Variants in SNTG1 observed in about 807,000 individuals in gnomAD.
The protein encoded by SNTG1 is syntrophin gamma 1, also known as gamma-1-syntrophin.
A neutral mutation model predicts 74.7 loss-of-function variants in SNTG1; 39 were observed. The ratio of observed to expected loss-of-function variants is 0.52; its 90% CI spans 0.40 to 0.68. The LOEUF is 0.68. Ranked by LOEUF, SNTG1 falls within the 30% of genes least tolerant of loss-of-function variation. The probability of loss-of-function intolerance (pLI) is 0.00; values close to 1 mark genes in which losing one functional copy is unlikely to be tolerated. For missense variants in SNTG1, 685 were observed against 609.5 expected (o/e 1.12, Z -1.30); for synonymous variants, 254 against 217.1 (o/e 1.17, Z -1.49).
intron 1 of SNTG1, among the ~76,000 whole-genome samples, chr8:50,031,311 C>A (rs1242336105): frequency 6.6e-6 from 1 of 151,744 alleles, no homozygotes; most frequent in Non-Finnish European, 1.5e-5. Flanking sequence ...TTTTTCTTTC[C>A]AGATTTGTAT....
chr8:50,793,023 A>G lies in SNTG1; in HGVS notation c.*194A>G, dbSNP rs181333364. ...GGATGACATCTGTGAAATATACTAC[A>G]TGAACAGAACAGCTTGTTCTCACTC... is the stretch of plus-strand genomic sequence containing the variant. On this transcript the variant is annotated 3_prime_UTR_variant, in exon 19 of 19. Coordinates refer to ENST00000642720, the MANE Select transcript of SNTG1 (RefSeq NM_018967.5). 31 of 468,062 alleles carry G rather than the reference A, an allele frequency of 6.6e-5. No individual in the cohort carries two copies. The East Asian group carries it at 1.0e-3, about 16-fold the overall frequency. 29.0% of individuals were successfully genotyped at this position (468,062 alleles called of 1,614,324 possible). A position where few individuals can be genotyped will look rare whatever the true frequency, so the allele number is the denominator to read the frequency against.
chr8:50,528,503 C>T (rs960294184), intron 9 of SNTG1, among the ~76,000 whole-genome samples: 2 of 151,752 alleles, frequency 1.3e-5, no homozygotes, highest in Non-Finnish European at 2.9e-5. Context: ...GAATAAATAC[C>T]ACTTACTTGG....
At chr8:50,726,412 G>T (rs1009363730) in intron 17 of SNTG1, among the ~76,000 whole-genome samples, 2 of 152,144 alleles carry the variant, frequency 1.3e-5, no homozygotes, top group South Asian at 4.1e-4. Flanking sequence ...GGCCGAAGTT[G>T]GGGGAGCGCT....
Position 50,270,573 on chromosome 8 carries a change from G to T in SNTG1, c.-28+97938G>T, listed in dbSNP as rs114089958. On this transcript the variant is annotated intron_variant, in intron 2 of 18. Transcript: ENST00000642720. ...ATTGAGATCTGCATGGCCTTTGAAG[G>T]AACTAGGTTGATAAGCTAGATTTGA... 5.5e-3 allele frequency among the ~76,000 whole-genome samples: 818 copies of T among 149,640 alleles called. 11 individuals carry two copies. Among genetic ancestry groups the T allele is most frequent in the African/African-American group, 0.019 (785 of 41,388 alleles).
intron 16 of SNTG1, 126 bp downstream of exon 16, chr8:50,704,878 C>A: frequency 1.9e-6 from 2 of 1,064,984 alleles, no homozygotes; most frequent in Non-Finnish European, 2.7e-6. Context: ...CATATACATT[C>A]TATAATTAGC....
At position 50,656,936 on chromosome 8, in the gene SNTG1, C is replaced by G. The variant is rs756171166; in HGVS notation, c.877C>G (p.Arg293Gly). ...QIVYMGWCEA[R>G]EQDPLQDRVY... The stretch of plus-strand genomic sequence containing the variant: ...TGTCTACATGGGCTGGTGTGAAGCC[C>G]GGGAGCAAGACCCCCTCCAGGACAG... Residue 293 changes from arginine to glycine, a missense_variant, in exon 14 of 19, where the codon CGG becomes GGG. Transcript: ENST00000642720. 15 of 1,603,780 alleles carry G rather than the reference C, an allele frequency of 9.4e-6. No individual in the cohort carries two copies. The highest frequency in any genetic ancestry group is 1.1e-5 in the Non-Finnish European group (13 of 1,174,646).
At chr8:50,688,061 G>A (rs549902755) in intron 15 of SNTG1, among the ~76,000 whole-genome samples, 10 of 152,182 alleles carry the variant, frequency 6.6e-5, no homozygotes, top group African/African-American at 2.4e-4. Flanking sequence ...CTTCTTTTGG[G>A]AAGTGTCTGT....
intron 2 of SNTG1, among the ~76,000 whole-genome samples, chr8:50,261,559 A>G (rs111765193): frequency 0.018 from 2,800 of 152,234 alleles, 71 homozygotes; most frequent in African/African-American, 0.054. Context: ...AGTTGCTACT[A>G]ATTATTAGCA....
intron 12 of SNTG1, among the ~76,000 whole-genome samples, chr8:50,568,307 A>G (rs1272387029): frequency 6.6e-6 from 1 of 151,602 alleles, no homozygotes; most frequent in African/African-American, 2.4e-5. Flanking sequence ...TGCAATAAAC[A>G]TGGGAGTACA....
At chr8:50,509,193 C>T (rs1585511914) in intron 9 of SNTG1, among the ~76,000 whole-genome samples, 1 of 152,140 alleles carries the variant, frequency 6.6e-6, no homozygotes, top group Non-Finnish European at 1.5e-5. Flanking sequence ...TTCCCCATTG[C>T]TTGTTTTTGT....
At chr8:50,502,107 A>G (rs1479063172) in intron 8 of SNTG1, among the ~76,000 whole-genome samples, 2 of 152,186 alleles carry the variant, frequency 1.3e-5, no homozygotes, top group Non-Finnish European at 2.9e-5. Context: ...CTGTATTTTA[A>G]AAAATGTTGA....
chr8:50,533,440 A>G (rs1373545545), intron 10 of SNTG1, among the ~76,000 whole-genome samples: 1 of 152,222 alleles, frequency 6.6e-6, no homozygotes, highest in Non-Finnish European at 1.5e-5. Flanking sequence ...TTCCAGTCAC[A>G]TTATTAATAT....
intron 1 of SNTG1, among the ~76,000 whole-genome samples, chr8:50,086,841 G>A (rs1586206578): frequency 6.6e-6 from 1 of 152,094 alleles, no homozygotes; most frequent in Admixed American, 6.6e-5. Context: ...AAGTACTGAA[G>A]GGTTAGAATA....
At chr8:50,036,561 C>G in intron 1 of SNTG1, among the ~76,000 whole-genome samples, 1 of 152,320 alleles carries the variant, frequency 6.6e-6, no homozygotes. Context: ...CATCTCCTCA[C>G]TAGACGAGAC....
chr8:50,074,875 G>T (rs1387610093), intron 1 of SNTG1, among the ~76,000 whole-genome samples: 1 of 152,168 alleles, frequency 6.6e-6, no homozygotes, highest in Non-Finnish European at 1.5e-5. Flanking sequence ...GTACCTGAGG[G>T]AACCGGGGCT....
chr8:50,463,984 T>G (rs1277835102), intron 8 of SNTG1, among the ~76,000 whole-genome samples: 1 of 152,218 alleles, frequency 6.6e-6, no homozygotes, highest in Non-Finnish European at 1.5e-5. Context: ...CCTCGCATTT[T>G]TATGTCATGG....
At chr8:49,970,916 T>A (rs1358080398) in intron 1 of SNTG1, among the ~76,000 whole-genome samples, 1 of 152,168 alleles carries the variant, frequency 6.6e-6, no homozygotes, top group Non-Finnish European at 1.5e-5. Flanking sequence ...GAAAAGAGTC[T>A]GGCTGATGAA....
At chr8:50,588,460 G>A (rs2094668821) in intron 12 of SNTG1, among the ~76,000 whole-genome samples, 1 of 152,090 alleles carries the variant, frequency 6.6e-6, no homozygotes, top group Admixed American at 6.6e-5. Flanking sequence ...CCATTCCTGT[G>A]CAGTCAGTAG....
intron 2 of SNTG1, among the ~76,000 whole-genome samples, chr8:50,290,469 G>A (rs1474357920): frequency 1.3e-5 from 2 of 152,078 alleles, no homozygotes; most frequent in Non-Finnish European, 2.9e-5. Flanking sequence ...CCTTTGCCGG[G>A]AAACATCACT....
Sources: gnomAD v4.1 joint callset for allele counts (sites outside exome capture counted in the v4.1 genomes callset) on GRCh38, gnomAD v4.1.1 for gene constraint, MANE v1.5 for transcripts, NCBI Gene and HGNC (gene_info 2026-07-23, HGNC 2026-07-21) for gene names.